The following TTC4 variants were observed in gnomAD, a reference collection of about 807,000 sequenced individuals.
TTC4 encodes tetratricopeptide repeat domain 4.
TTC4 carries 36 observed loss-of-function variants against 51.9 expected under a neutral mutation model. The observed-to-expected ratio is 0.69, with a 90% CI of 0.53 to 0.92. The LOEUF is 0.92. TTC4 is among the 40% of genes least tolerant of loss of function. The pLI, the probability that TTC4 is intolerant of heterozygous loss-of-function variation, is 0.00. For synonymous variants in TTC4, 144 were observed against 164.2 expected (o/e 0.88, Z 0.94); for missense variants, 399 against 454.6 (o/e 0.88, Z 1.11).
At chr1:54,740,903 G>A (rs369554222) in intron 9 of TTC4, among the ~76,000 whole-genome samples, 2 of 152,136 alleles carry the variant, frequency 1.3e-5, no homozygotes, top group Non-Finnish European at 2.9e-5. Flanking sequence ...TTCAGACATG[G>A]CATCTTCCAG....
At position 54,716,635 on chromosome 1, in the gene TTC4, G is replaced by A. The variant is rs779758970; in HGVS notation, c.147G>A (p.Ala49=). Residue 49 remains alanine (A), a synonymous_variant, in exon 2 of 10, where the codon GCG becomes GCA. Coordinates refer to ENST00000371281, the MANE Select transcript of TTC4 (RefSeq NM_004623.5). ...AGGTCCCCCTATTTATGTCGAGAGC[G>A]CCATCAGAAATTGATCCCAGGGAGA... ...FEKVPLFMSR[A]PSEIDPRENP... 5.6e-6 allele frequency: 9 copies of A among 1,613,450 alleles called. No individual in the cohort carries two copies. In the African/African-American group the frequency reaches 6.7e-5, roughly 12 times the overall value.
chr1:54,732,292 G>C (rs1354474784), intron 7 of TTC4, among the ~76,000 whole-genome samples: 1 of 127,404 alleles, frequency 7.8e-6, no homozygotes, highest in Non-Finnish European at 1.6e-5. Context: ...CTACACTCCA[G>C]CCTGGGTGAC....
Position 54,715,919 on chromosome 1 carries a change from C to G in TTC4, c.11C>G (p.Pro4Arg), listed in dbSNP as rs367916509. 40 of 1,605,544 alleles carry G rather than the reference C, an allele frequency of 2.5e-5. No individual in the cohort carries two copies. The highest frequency in any genetic ancestry group is 1.9e-4 in the Middle Eastern group (1 of 5,202). The change falls in exon 1 of 10, where the codon CCT becomes CGT. Residue 4 changes from proline (P) to arginine (R), a missense_variant. Coordinates refer to ENST00000371281, the MANE Select transcript of TTC4 (RefSeq NM_004623.5). MEQ[P>R]GQDPTSDDVM... Reference sequence around the variant, plus strand: ...GGCAGGGCATCAGCTATGGAACAACCTGGGCAGGATCCCACCTCAGACGAC... The same window carrying G: ...GGCAGGGCATCAGCTATGGAACAACGTGGGCAGGATCCCACCTCAGACGAC...
chr1:54,724,148 A>G (rs1449148294), intron 5 of TTC4, among the ~76,000 whole-genome samples: 2 of 152,226 alleles, frequency 1.3e-5, no homozygotes, highest in African/African-American at 4.8e-5. Context: ...TCTGAGTACA[A>G]GCTGATTCTG....
At chr1:54,721,772 T>C (rs1330263452) in intron 4 of TTC4, among the ~76,000 whole-genome samples, 1 of 152,250 alleles carries the variant, frequency 6.6e-6, no homozygotes, top group Non-Finnish European at 1.5e-5. Context: ...ATGGACCAGC[T>C]TAAAATGCTT....
chr1:54,728,907 A>G (rs953542879), intron 6 of TTC4, among the ~76,000 whole-genome samples: 1 of 152,112 alleles, frequency 6.6e-6, no homozygotes, highest in African/African-American at 2.4e-5. Flanking sequence ...TTTCACAGAT[A>G]GAAGGTTGCT....
chr1:54,735,942 T>C (rs1172451301), intron 8 of TTC4, among the ~76,000 whole-genome samples: 1 of 152,180 alleles, frequency 6.6e-6, no homozygotes, highest in Non-Finnish European at 1.5e-5. Context: ...CTTTCTTACA[T>C]AGGATGTTCT....
intron 4 of TTC4, 122 bp from the exon 5 acceptor site, chr1:54,722,553 A>G: frequency 2.9e-6 from 4 of 1,396,108 alleles, no homozygotes; most frequent in Non-Finnish European, 3.9e-6. Context: ...TATAAGGGGC[A>G]TTATCCTCCA....
At chr1:54,728,484 G>A (rs1218723589) in intron 6 of TTC4, 52 bp downstream of exon 6, 4 of 1,531,572 alleles carry the variant, frequency 2.6e-6, no homozygotes, top group Admixed American at 3.6e-5. Context: ...CACTAATCCT[G>A]TGAAGCTTGT....
At chr1:54,727,339 A>ATT (rs1645812233) in intron 5 of TTC4, among the ~76,000 whole-genome samples, 1 of 152,210 alleles carries the variant, frequency 6.6e-6, no homozygotes, top group Admixed American at 6.5e-5. Context: ...ACCTCATACT[A>ATT]TATAAAAAAG....
intron 2 of TTC4, 81 bp from the exon 3 acceptor site, chr1:54,717,411 A>G: frequency 7.6e-7 from 1 of 1,314,772 alleles, no homozygotes; most frequent in South Asian, 2.1e-5. Flanking sequence ...CATATAGTAC[A>G]TTATTACATG....
At chr1:54,723,002 G>T (rs1383264876) in intron 5 of TTC4, among the ~76,000 whole-genome samples, 1 of 152,176 alleles carries the variant, frequency 6.6e-6, no homozygotes, top group African/African-American at 2.4e-5. Flanking sequence ...TGTGTATAGT[G>T]GTAGTACAGT....
rs1260043440 is a variant in TTC4 at position 54,722,828 on chromosome 1, TTTGCTAATTAGCAGTAATTAGC to T, written c.594+30_594+51del. ...GGTGACTGTCAGCAACCAATTAGCA[TTTGCTAATTAGCAGTAATTAGC>T]ATTCCCAAGATTGTGTCTCTCAAGT... On this transcript the variant is annotated intron_variant, in intron 5 of 9. Transcript: ENST00000371281. 4 of 1,565,194 alleles carry T rather than the reference TTTGCTAATTAGCAGTAATTAGC, an allele frequency of 2.6e-6. No homozygotes were observed. In the South Asian group the frequency reaches 5.4e-5, roughly 21 times the overall value.
chr1:54,730,493 G>A (rs988511946), intron 6 of TTC4, among the ~76,000 whole-genome samples: 26 of 152,176 alleles, frequency 1.7e-4, no homozygotes, highest in Non-Finnish European at 1.6e-4. Flanking sequence ...CAGTGGCAGA[G>A]TTGAGTAGTT....
At chr1:54,733,426 A>T (rs12030486) in intron 7 of TTC4, among the ~76,000 whole-genome samples, 9,905 of 135,266 alleles carry the variant, frequency 0.073, 426 homozygotes, top group African/African-American at 0.15. Context: ...CTCAAAAAAA[A>T]AAAATAAAAT....
At chr1:54,717,697 C>G (rs1645693087) in intron 3 of TTC4, 44 bp downstream of exon 3, 1 of 1,454,546 alleles carries the variant, frequency 6.9e-7, no homozygotes, top group African/African-American at 1.4e-5. Context: ...ATGATACAAG[C>G]CATTATGATG....
chr1:54,728,506 C>T, intron 6 of TTC4, 74 bp downstream of exon 6: 2 of 1,388,010 alleles, frequency 1.4e-6, no homozygotes, highest in East Asian at 2.5e-5. Flanking sequence ...GGGAACCTTT[C>T]TTGGGATGCT....
intron 8 of TTC4, chr1:54,737,335 T>C (rs1336750469): frequency 2.3e-6 from 1 of 434,658 alleles, no homozygotes; most frequent in South Asian, 2.8e-5. Context: ...ACCAGCAGGG[T>C]AATGTTGGCA....
intron 5 of TTC4, among the ~76,000 whole-genome samples, chr1:54,724,268 CT>C (rs200907562): frequency 6.3e-4 from 92 of 145,014 alleles, no homozygotes; most frequent in Middle Eastern, 3.6e-3. Context: ...AGCTTTTTTT[CT>C]TTTTTTTTTT....
Sources: gnomAD v4.1 joint callset for allele counts (sites outside exome capture counted in the v4.1 genomes callset) on GRCh38, gnomAD v4.1.1 for gene constraint, MANE v1.5 for transcripts, NCBI Gene and HGNC (gene_info 2026-07-23, HGNC 2026-07-21) for gene names.